Variants in ARHGAP42 observed in about 807,000 individuals in gnomAD.
ARHGAP42 encodes Rho GTPase activating protein 42, also known as rho GTPase-activating protein 42.
In ARHGAP42, 63 loss-of-function variants were observed where a neutral mutation model predicts 125.0. The ratio of observed to expected loss-of-function variants is 0.50; its 90% CI spans 0.41 to 0.62. The LOEUF is 0.62. ARHGAP42 is among the 20% of genes least tolerant of loss of function. The pLI is 0.00. For synonymous variants in ARHGAP42, 339 were observed against 351.0 expected (o/e 0.97, Z 0.38); for missense variants, 766 against 1,024.2 (o/e 0.75, Z 3.44).
chr11:100,875,649 C>G (rs1865804651), intron 4 of ARHGAP42, among the ~76,000 whole-genome samples: 1 of 152,084 alleles, frequency 6.6e-6, no homozygotes, highest in Non-Finnish European at 1.5e-5. Context: ...GTGGCCAGGC[C>G]CAGATACCCA....
chr11:100,778,315 A>G (rs1396199523), intron 2 of ARHGAP42, among the ~76,000 whole-genome samples: 2 of 152,172 alleles, frequency 1.3e-5, no homozygotes, highest in Non-Finnish European at 2.9e-5. Flanking sequence ...GTGATATTTT[A>G]TTAAATTTGA....
intron 22 of ARHGAP42, among the ~76,000 whole-genome samples, chr11:100,985,372 TC>T (rs1007764711): frequency 3.9e-5 from 6 of 152,202 alleles, no homozygotes; most frequent in African/African-American, 1.4e-4. Context: ...GAAAAATATT[TC>T]CTTTTTTTTA....
At chr11:100,987,617 T>C in intron 23 of ARHGAP42, 25 bp downstream of exon 23, 1 of 1,542,254 alleles carries the variant, frequency 6.5e-7, no homozygotes, top group East Asian at 2.4e-5. Context: ...TCCCTCTGCC[T>C]AAGTTTGTCA....
At chr11:100,811,105 G>A (rs575611666) in intron 3 of ARHGAP42, among the ~76,000 whole-genome samples, 6 of 152,186 alleles carry the variant, frequency 3.9e-5, no homozygotes, top group South Asian at 2.1e-4. Context: ...ACAGGCATGC[G>A]CCACCACGCC....
intron 4 of ARHGAP42, among the ~76,000 whole-genome samples, chr11:100,907,089 C>T (rs1236143581): frequency 6.6e-6 from 1 of 152,240 alleles, no homozygotes; most frequent in African/African-American, 2.4e-5. Flanking sequence ...CACCCCTCTA[C>T]AATCCCATCA....
chr11:100,725,315 C>T (rs1405706960), intron 1 of ARHGAP42, among the ~76,000 whole-genome samples: 2 of 151,804 alleles, frequency 1.3e-5, no homozygotes, highest in East Asian at 2.0e-4. Flanking sequence ...GGATTACAGG[C>T]GCACACCACC....
At chr11:100,883,492 G>A (rs1300894847) in intron 4 of ARHGAP42, among the ~76,000 whole-genome samples, 4 of 151,860 alleles carry the variant, frequency 2.6e-5, no homozygotes, top group Admixed American at 6.6e-5. Flanking sequence ...ACAGGTGCCC[G>A]CCACCATGCC....
At chr11:100,715,048 C>CAAA (rs36017086) in intron 1 of ARHGAP42, among the ~76,000 whole-genome samples, 4 of 61,884 alleles carry the variant, frequency 6.5e-5, no homozygotes, top group Non-Finnish European at 1.1e-4. Context: ...AACCCTATCT[C>CAAA]AAAAAAAAAA....
At chr11:100,690,262 G>A (rs1861164343) in intron 1 of ARHGAP42, among the ~76,000 whole-genome samples, 1 of 152,026 alleles carries the variant, frequency 6.6e-6, no homozygotes, top group African/African-American at 2.4e-5. Flanking sequence ...GCACGGCACT[G>A]TTATTTTTAT....
intron 4 of ARHGAP42, among the ~76,000 whole-genome samples, chr11:100,907,840 G>A (rs772139928): frequency 6.6e-6 from 1 of 152,118 alleles, no homozygotes; most frequent in Non-Finnish European, 1.5e-5. Context: ...TCAGAGCCTA[G>A]CACCATGATA....
intron 4 of ARHGAP42, among the ~76,000 whole-genome samples, chr11:100,864,751 C>G (rs1865527522): frequency 6.6e-6 from 1 of 152,080 alleles, no homozygotes; most frequent in African/African-American, 2.4e-5. Context: ...TTTTCTTTAC[C>G]TTTAACAAAT....
chr11:100,768,551 G>C (rs953319342), intron 1 of ARHGAP42, among the ~76,000 whole-genome samples: 3 of 152,144 alleles, frequency 2.0e-5, no homozygotes, highest in Non-Finnish European at 4.4e-5. Context: ...CCTATTGCTT[G>C]ATTAAATGTA....
chr11:100,739,217 G>C (rs1862128130), intron 1 of ARHGAP42, among the ~76,000 whole-genome samples: 1 of 150,742 alleles, frequency 6.6e-6, no homozygotes, highest in Non-Finnish European at 1.5e-5. Flanking sequence ...TTTTGTCTGA[G>C]TTTTACCAAA....
chr11:100,887,365 AC>A (rs2135186186), intron 4 of ARHGAP42, among the ~76,000 whole-genome samples: 1 of 152,240 alleles, frequency 6.6e-6, no homozygotes, highest in Non-Finnish European at 1.5e-5. Flanking sequence ...TGGTTCATGT[AC>A]AACTAACCAA....
chr11:100,948,400 C>G, intron 10 of ARHGAP42, 57 bp from the exon 11 acceptor site: 1 of 1,244,370 alleles, frequency 8.0e-7, no homozygotes, highest in Non-Finnish European at 1.1e-6. Context: ...TTTTAGTTAA[C>G]TGAGAATTTA....
chr11:100,936,431 A>G, intron 8 of ARHGAP42, 99 bp downstream of exon 8: 1 of 1,446,954 alleles, frequency 6.9e-7, no homozygotes. Context: ...GAGGACTGAA[A>G]TTTCTTATAG....
chr11:100,936,088 G>A (rs1867731495), intron 7 of ARHGAP42, 115 bp from the exon 8 acceptor site: 6 of 1,304,000 alleles, frequency 4.6e-6, no homozygotes, highest in Non-Finnish European at 6.3e-6. Context: ...GCACCTGGTT[G>A]ACAGAGTGAT....
chr11:100,977,092 T>A, intron 21 of ARHGAP42, 121 bp downstream of exon 21: 1 of 1,163,078 alleles, frequency 8.6e-7, no homozygotes, highest in Non-Finnish European at 1.2e-6. Context: ...ATCTGTAGAG[T>A]GGGTACAGTC....
intron 16 of ARHGAP42, 120 bp from the exon 17 acceptor site, chr11:100,965,551 G>A (rs1858069171): frequency 6.1e-6 from 5 of 821,050 alleles, no homozygotes; most frequent in Non-Finnish European, 1.0e-5. Flanking sequence ...AGTACTACAT[G>A]AAGCAATGCC....
Sources: gnomAD v4.1 joint callset for allele counts (sites outside exome capture counted in the v4.1 genomes callset) on GRCh38, gnomAD v4.1.1 for gene constraint, MANE v1.5 for transcripts, NCBI Gene and HGNC (gene_info 2026-07-23, HGNC 2026-07-21) for gene names.